TMEM192: variants seen among roughly 807,000 people sequenced by gnomAD.
TMEM192 encodes transmembrane protein 192.
In TMEM192, 20 loss-of-function variants were observed where a neutral mutation model predicts 26.7. The observed-to-expected ratio is 0.75, with a 90% CI of 0.53 to 1.09. The LOEUF (loss-of-function observed/expected upper bound fraction) is 1.09, where lower values mean the gene tolerates loss of function less well. Ranked by LOEUF, TMEM192 falls within the 50% of genes least tolerant of loss-of-function variation. TMEM192 has a pLI of 0.00. For missense variants in TMEM192, 304 were observed against 322.6 expected (o/e 0.94, Z 0.44); for synonymous variants, 124 against 121.0 (o/e 1.02, Z -0.16).
chr4:165,088,301 C>A (rs756106352), intron 4 of TMEM192, among the ~76,000 whole-genome samples, 167 bp downstream of exon 4: 5 of 152,190 alleles, frequency 3.3e-5, no homozygotes, highest in Non-Finnish European at 5.9e-5. Flanking sequence ...TGGGGTCTCA[C>A]TGGTGGTGGC....
chr4:165,102,899 A>T (rs776158116), intron 2 of TMEM192, 51 bp downstream of exon 2: 43 of 1,527,782 alleles, frequency 2.8e-5, no homozygotes, highest in Non-Finnish European at 3.4e-5. Flanking sequence ...CACTTATATA[A>T]TTTTTACAAA....
chr4:165,087,360 GAA>G (rs1490832622), intron 4 of TMEM192, among the ~76,000 whole-genome samples: 2 of 152,138 alleles, frequency 1.3e-5, no homozygotes, highest in East Asian at 1.9e-4. Context: ...AGGGACCAAA[GAA>G]AAGAGACAGA....
chr4:165,098,531 C>T (rs1296654949), intron 3 of TMEM192, among the ~76,000 whole-genome samples: 5 of 151,514 alleles, frequency 3.3e-5, no homozygotes, highest in Admixed American at 6.6e-5. Flanking sequence ...AGGCTGGTCT[C>T]GAACTCCTGG....
chr4:165,093,074 C>T (rs995737381), intron 3 of TMEM192, among the ~76,000 whole-genome samples: 32 of 147,176 alleles, frequency 2.2e-4, no homozygotes, highest in Admixed American at 9.7e-4. Flanking sequence ...AAGATAAATA[C>T]AGTTTTATGG....
intron 3 of TMEM192, among the ~76,000 whole-genome samples, chr4:165,095,833 G>A (rs1734882381): frequency 6.6e-6 from 1 of 151,846 alleles, no homozygotes; most frequent in Non-Finnish European, 1.5e-5. Flanking sequence ...GGAGTGCAGT[G>A]GCGCCATCTT....
At chr4:165,081,006 C>T (rs535524444) in intron 5 of TMEM192, among the ~76,000 whole-genome samples, 115 of 152,126 alleles carry the variant, frequency 7.6e-4, no homozygotes, top group African/African-American at 2.1e-3. Context: ...TGAGCCACCG[C>T]GCCCAGCCAA....
At position 165,077,301 on chromosome 4, in the gene TMEM192, T is replaced by C. The variant is rs1734405439; in HGVS notation, c.*2357A>G. 6.6e-6 allele frequency: 1 copy of C among 152,154 alleles called. No individual in the cohort carries two copies. Among genetic ancestry groups the C allele is most frequent in the Non-Finnish European group, 1.5e-5 (1 of 68,030 alleles). 9.4% of individuals were successfully genotyped at this position (152,154 alleles called of 1,614,324 possible). ...CTCAGATACTGACTATAGATCCAAA[T>C]TAAATTTTAAAAATAAATAAGAGTT... On this transcript the variant is annotated 3_prime_UTR_variant, in exon 6 of 6. Coordinates refer to ENST00000306480, the MANE Select transcript of TMEM192 (RefSeq NM_001100389.2).
rs1314118587 is a variant in TMEM192 at position 165,075,333 on chromosome 4, C to G, written c.*4325G>C. On this transcript the variant is annotated 3_prime_UTR_variant, in exon 6 of 6. Coordinates refer to ENST00000306480, the MANE Select transcript of TMEM192 (RefSeq NM_001100389.2). ...CATCTTGGTTCACTGCAATCTCTGC[C>G]TCCCAGGCTCAAGCAATTCTCCTGC... 6.6e-6 allele frequency: 1 copy of G among 151,878 alleles called. No individual in the cohort carries two copies. The highest frequency in any genetic ancestry group is 2.4e-5 in the African/African-American group (1 of 41,334). The allele number at this position is 151,878 out of a possible 1,614,324, so 9.4% of individuals were successfully genotyped here.
At chr4:165,106,338 T>C (rs1400589707) in intron 1 of TMEM192, among the ~76,000 whole-genome samples, 1 of 152,224 alleles carries the variant, frequency 6.6e-6, no homozygotes, top group Non-Finnish European at 1.5e-5. Context: ...TCCAGTCTTC[T>C]GGTCTTGGCA....
chr4:165,100,306 T>G (rs1032684071), intron 3 of TMEM192, among the ~76,000 whole-genome samples: 1 of 151,870 alleles, frequency 6.6e-6, no homozygotes, highest in African/African-American at 2.4e-5. Flanking sequence ...ATTACAGGCA[T>G]GCACCACCAC....
Position 165,076,944 on chromosome 4 carries a change from G to A in TMEM192, c.*2714C>T, listed in dbSNP as rs1560923100. The A allele has an allele frequency of 6.6e-6, 1 of 152,178 alleles. No homozygotes were observed. The highest frequency in any genetic ancestry group is 1.5e-5 in the Non-Finnish European group (1 of 68,104). The allele number at this position is 152,178 out of a possible 1,614,324, so 9.4% of individuals were successfully genotyped here. A position where few individuals can be genotyped will look rare whatever the true frequency, so the allele number is the denominator to read the frequency against. On this transcript the variant is annotated 3_prime_UTR_variant, in exon 6 of 6. Coordinates refer to ENST00000306480, the MANE Select transcript of TMEM192 (RefSeq NM_001100389.2). ...AGCCTCCTGAGTAGCTGGGATTACAGATGCGTGCCACCATGCCTGGCTTAT... is the reference window on the plus strand; with the variant it reads ...AGCCTCCTGAGTAGCTGGGATTACAAATGCGTGCCACCATGCCTGGCTTAT...
chr4:165,102,934 C>T lies in TMEM192; in HGVS notation c.174+16G>A, dbSNP rs977170377. The stretch of plus-strand genomic sequence containing the variant: ...ACATCACCTCTGGATAGGTCCCCTT[C>T]TTGCAGCCAACTTACATGAATAAAC... On this transcript the variant is annotated intron_variant, in intron 2 of 5. Transcript: ENST00000306480. 1.2e-6 allele frequency: 2 copies of T among 1,605,938 alleles called. No individual in the cohort carries two copies. The highest frequency in any genetic ancestry group is 1.7e-4 in the Middle Eastern group (1 of 6,050).
intron 1 of TMEM192, among the ~76,000 whole-genome samples, chr4:165,111,144 G>A (rs1735284802): frequency 6.6e-6 from 1 of 151,948 alleles, no homozygotes. Flanking sequence ...CTGTTGCCCC[G>A]GCTGGAGTGC....
intron 1 of TMEM192, among the ~76,000 whole-genome samples, chr4:165,110,412 C>T (rs776473208): frequency 4.6e-5 from 7 of 152,166 alleles, no homozygotes; most frequent in Non-Finnish European, 8.8e-5. Flanking sequence ...CAACTCTTTC[C>T]ATGAGCAGTA....
chr4:165,100,906 G>C lies in TMEM192; in HGVS notation c.175-14C>G, dbSNP rs781094116. On this transcript the variant is annotated splice_polypyrimidine_tract_variant and intron_variant, in intron 2 of 5. Transcript: ENST00000306480. Reference sequence around the variant, plus strand: ...AACAAACACGAGCTGGGGGAAAGGAGAGCAGAAAGATTAATATTCAATATT... The same window carrying C: ...AACAAACACGAGCTGGGGGAAAGGACAGCAGAAAGATTAATATTCAATATT... The C allele has an allele frequency of 1.3e-5, 20 of 1,592,790 alleles. 1 individual carries two copies. In the South Asian group the frequency reaches 2.3e-4, roughly 18 times the overall value.
intron 3 of TMEM192, among the ~76,000 whole-genome samples, chr4:165,098,747 G>C (rs1401558184): frequency 6.6e-6 from 1 of 151,868 alleles, no homozygotes; most frequent in Non-Finnish European, 1.5e-5. Flanking sequence ...GCCCAGGCTG[G>C]AGTGCAGCGG....
chr4:165,087,765 C>A (rs1247219903), intron 4 of TMEM192, among the ~76,000 whole-genome samples: 2 of 152,278 alleles, frequency 1.3e-5, no homozygotes, highest in East Asian at 1.9e-4. Context: ...CATGACGAAA[C>A]CCCATCTCTA....
At chr4:165,100,930 T>A (rs1735025687) in intron 2 of TMEM192, 38 bp from the exon 3 acceptor site, 1 of 1,545,532 alleles carries the variant, frequency 6.5e-7, no homozygotes, top group Non-Finnish European at 8.7e-7. Flanking sequence ...ATATTCAATA[T>A]TTGTAATTAG....
chr4:165,088,860 A>T (rs2110753858), intron 3 of TMEM192, among the ~76,000 whole-genome samples: 1 of 151,728 alleles, frequency 6.6e-6, no homozygotes, highest in South Asian at 2.1e-4. Flanking sequence ...GCAACATAGC[A>T]AGACCCCATC....
Sources: gnomAD v4.1 joint callset for allele counts (sites outside exome capture counted in the v4.1 genomes callset) on GRCh38, gnomAD v4.1.1 for gene constraint, MANE v1.5 for transcripts, NCBI Gene and HGNC (gene_info 2026-07-23, HGNC 2026-07-21) for gene names.